Variants in TTC3 observed in about 807,000 individuals in gnomAD.
The protein encoded by TTC3 is E3 ubiquitin-protein ligase TTC3.
A neutral mutation model predicts 249.6 loss-of-function variants in TTC3; 180 were observed. The ratio of observed to expected loss-of-function variants is 0.72; its 90% CI spans 0.64 to 0.82. The LOEUF is 0.82. TTC3 is among the 40% of genes least tolerant of loss of function. TTC3 has a pLI of 0.00. For missense variants in TTC3, 2,061 were observed against 2,398.4 expected (o/e 0.86, Z 2.94); for synonymous variants, 717 against 805.0 (o/e 0.89, Z 1.85).
At chr21:37,189,690 G>C (rs975638539) in intron 39 of TTC3, among the ~76,000 whole-genome samples, 6 of 152,038 alleles carry the variant, frequency 3.9e-5, no homozygotes, top group Admixed American at 1.3e-4. Context: ...TGAGACTACA[G>C]GTGCCCGCCA....
chr21:37,104,588 C>CAAAAAAAAAAAAAAA (rs141618903), intron 10 of TTC3, among the ~76,000 whole-genome samples: 46 of 104,288 alleles, frequency 4.4e-4, no homozygotes, highest in Non-Finnish European at 5.7e-4. Context: ...AACTCCGTCT[C>CAAAAAAAAAAAAAAA]AAAAAAAAAA....
At chr21:37,102,539 G>C (rs2074615771) in intron 10 of TTC3, among the ~76,000 whole-genome samples, 1 of 152,118 alleles carries the variant, frequency 6.6e-6, no homozygotes, top group Admixed American at 6.6e-5. Context: ...ATAGTCAAGG[G>C]GCTGGTTACT....
At chr21:37,187,167 AC>A in intron 38 of TTC3, 22 bp downstream of exon 38, 1 of 1,503,590 alleles carries the variant, frequency 6.7e-7, no homozygotes, top group Non-Finnish European at 9.0e-7. Flanking sequence ...ACACTTAGTG[AC>A]CACTATGGCA....
rs766412269 is a variant in TTC3, at chr21:37,182,874, T to G, written c.4718T>G (p.Leu1573Arg). The change falls in exon 36 of 46, where the codon CTG becomes CGG. Residue 1573 changes from leucine to arginine, a missense_variant. Leu to Arg is a moderately radical substitution (Grantham distance 102). Coordinates refer to ENST00000355666, the Ensembl canonical transcript of TTC3. ...GAAATCCAAGAAAGACTAAAATCAC[T>G]GAAGAAGAAAATTAAAAAGGTTTCA... 7 of 1,585,182 alleles carry G rather than the reference T, an allele frequency of 4.4e-6. No individual in the cohort carries two copies. The highest frequency in any genetic ancestry group is 6.0e-6 in the Non-Finnish European group (7 of 1,171,682).
intron 10 of TTC3, chr21:37,098,789 G>T (rs1049260024): frequency 6.6e-6 from 1 of 152,186 alleles, no homozygotes; most frequent in Non-Finnish European, 1.5e-5. Flanking sequence ...CTTAAGGAAA[G>T]AACACGTTGC....
chr21:37,191,731 A>G lies in TTC3; in HGVS notation c.5115+307A>G, dbSNP rs140599656. On this transcript the variant is annotated intron_variant, in intron 40 of 45. Transcript: ENST00000355666. ...GTAGCTGGGATCACAGGCATGTGCC[A>G]CCATGCTCGGCTAATTTTGTTTTTG... Among the ~76,000 whole-genome samples, 1,296 of 152,262 alleles carry G rather than the reference A, an allele frequency of 8.5e-3. 68 individuals carry two copies. In the East Asian group the frequency reaches 0.17, roughly 20 times the overall value.
chr21:37,197,107 GTTTCTGA>G (rs1262110127), intron 42 of TTC3, among the ~76,000 whole-genome samples: 1 of 152,222 alleles, frequency 6.6e-6, no homozygotes, highest in Non-Finnish European at 1.5e-5. Context: ...TATTATTTCA[GTTTCTGA>G]GACAGTGTTA....
intron 44 of TTC3, among the ~76,000 whole-genome samples, chr21:37,198,898 T>C (rs758712050): frequency 3.9e-5 from 6 of 152,220 alleles, no homozygotes; most frequent in Non-Finnish European, 7.3e-5. Context: ...GTTAGAAATA[T>C]ACTGTGCCCA....
chr21:37,086,314 A>T (rs1477907516), intron 1 of TTC3: 3 of 152,208 alleles, frequency 2.0e-5, no homozygotes, highest in African/African-American at 7.2e-5. Flanking sequence ...TGCGCTGGTG[A>T]TGATAGGAAA....
At chr21:37,111,786 C>T (rs181693911) in intron 11 of TTC3, among the ~76,000 whole-genome samples, 477 of 152,124 alleles carry the variant, frequency 3.1e-3, no homozygotes, top group Non-Finnish European at 4.3e-3. Flanking sequence ...CAAAATTGAC[C>T]GCATAGTTGG....
At chr21:37,120,520 C>T (rs1371157100) in intron 11 of TTC3, among the ~76,000 whole-genome samples, 2 of 152,010 alleles carry the variant, frequency 1.3e-5, no homozygotes, top group Non-Finnish European at 2.9e-5. Context: ...CTTTGAAGTC[C>T]GTAAATGCTT....
chr21:37,195,565 A>G (rs567297940), intron 41 of TTC3, 110 bp from the exon 42 acceptor site: 1 of 1,436,306 alleles, frequency 7.0e-7, no homozygotes, highest in East Asian at 2.3e-5. Flanking sequence ...TTTCCTGTGC[A>G]CGGAGCCTCT....
intron 16 of TTC3, 95 bp downstream of exon 16, chr21:37,129,158 A>G (rs899125070): frequency 1.4e-6 from 1 of 722,782 alleles, no homozygotes; most frequent in East Asian, 3.0e-5. Context: ...AGCTACTTTA[A>G]TGTATGTATT....
exon 36 of TTC3, chr21:37,182,796 G>T (rs2082880748): frequency 6.3e-7 from 1 of 1,593,346 alleles, no homozygotes; most frequent in East Asian, 2.3e-5. Context: ...GAATTAGATT[G>T]GTTCCTTCAA....
At chr21:37,160,219 G>A (rs1237827765) in intron 29 of TTC3, among the ~76,000 whole-genome samples, 1 of 152,144 alleles carries the variant, frequency 6.6e-6, no homozygotes, top group African/African-American at 2.4e-5. Flanking sequence ...CTTCAGTTTA[G>A]GAAAGTGAGT....
intron 6 of TTC3, among the ~76,000 whole-genome samples, chr21:37,091,038 T>A (rs1197592688): frequency 6.6e-6 from 1 of 152,190 alleles, no homozygotes; most frequent in Non-Finnish European, 1.5e-5. Context: ...TCTGTAGTAA[T>A]TGCAGAAGCA....
At chr21:37,169,854 A>C (rs927192705) in intron 34 of TTC3, among the ~76,000 whole-genome samples, 4 of 151,816 alleles carry the variant, frequency 2.6e-5, no homozygotes, top group South Asian at 4.2e-4. Flanking sequence ...TCTCAAAAAA[A>C]AAAAAACAAA....
Position 37,150,208 on chromosome 21 carries a change from C to A in TTC3, c.2211+38C>A, listed in dbSNP as rs200320157. On this transcript the variant is annotated intron_variant, in intron 24 of 45. Transcript: ENST00000355666. ...GGGGAAACCTTGTTAGATAGATAACCAAAATGTTTACACCTTTTGAAACAT... is the reference window on the plus strand; with the variant it reads ...GGGGAAACCTTGTTAGATAGATAACAAAAATGTTTACACCTTTTGAAACAT... 35 of 1,419,896 alleles carry A rather than the reference C, an allele frequency of 2.5e-5. No homozygotes were observed. The East Asian group carries it at 7.5e-4, about 30-fold the overall frequency. The allele number at this position is 1,419,896 out of a possible 1,614,324, so 88.0% of individuals were successfully genotyped here. A position where few individuals can be genotyped will look rare whatever the true frequency, so the allele number is the denominator to read the frequency against.
In TTC3 at chr21:37,150,845, A is replaced by C. The variant is rs776528086; in HGVS notation, c.2237A>C (p.Lys746Thr). The change falls in exon 25 of 46, where the codon AAG becomes ACG. Residue 746 changes from lysine to threonine, a missense_variant. By Grantham distance (78) the Lys-to-Thr change is moderately conservative. Transcript: ENST00000355666. Reference sequence around the variant, plus strand: ...TTTGAACACAAGGTCATAAAAGAAAAGGTTCCTCCAAGACCTATTCTGAAA... The same window carrying C: ...TTTGAACACAAGGTCATAAAAGAAACGGTTCCTCCAAGACCTATTCTGAAA... The C allele has an allele frequency of 1.2e-5, 20 of 1,611,502 alleles. No homozygotes were observed. The highest frequency in any genetic ancestry group is 1.0e-4 in the Admixed American group (6 of 59,732).
Sources: gnomAD v4.1 joint callset for allele counts (sites outside exome capture counted in the v4.1 genomes callset) on GRCh38, gnomAD v4.1.1 for gene constraint, MANE v1.5 for transcripts, NCBI Gene and HGNC (gene_info 2026-07-23, HGNC 2026-07-21) for gene names.